Variants in ZNF841 observed in about 807,000 individuals in gnomAD.
ZNF841 encodes the protein zinc finger protein 841, also known as TCONS_00006091.
In ZNF841, 11 loss-of-function variants were observed where a neutral mutation model predicts 13.0. That is an observed-to-expected ratio of 0.85 (90% CI 0.53 to 1.40). The LOEUF is 1.40. Ranked by LOEUF, ZNF841 falls within the 40% of genes most tolerant of loss-of-function variation. The pLI, the probability that ZNF841 is intolerant of heterozygous loss-of-function variation, is 0.00. For synonymous variants in ZNF841, 369 were observed against 381.6 expected, an observed-to-expected ratio of 0.97 and a Z score of 0.38; for missense variants, 1,068 against 1,139.5, an observed-to-expected ratio of 0.94 and a Z score of 0.90.
intron 4 of ZNF841, among the ~76,000 whole-genome samples, chr19:52,078,364 C>T (rs2087975789): frequency 6.6e-6 from 1 of 152,034 alleles, no homozygotes; most frequent in African/African-American, 2.4e-5. Flanking sequence ...AAAACTAATC[C>T]ATTCACATGA....
chr19:52,088,189 C>G (rs919401826), intron 3 of ZNF841, among the ~76,000 whole-genome samples: 3 of 152,250 alleles, frequency 2.0e-5, no homozygotes, highest in South Asian at 2.1e-4. Context: ...GTTCTGGGTT[C>G]CACGCTCTCA....
At chr19:52,086,550 T>C (rs1231522334) in intron 3 of ZNF841, among the ~76,000 whole-genome samples, 1 of 152,198 alleles carries the variant, frequency 6.6e-6, no homozygotes, top group Admixed American at 6.5e-5. Context: ...TTACCCAGTC[T>C]CCAGTATTTC....
Position 52,065,431 on chromosome 19 carries a change from TC to T in ZNF841, c.2450del (p.Gly817GlufsTer81). 6.2e-7 allele frequency: 1 copy of T among 1,613,860 alleles called. No homozygotes were observed. The highest frequency in any genetic ancestry group is 8.5e-7 in the Non-Finnish European group (1 of 1,179,912). On this transcript the variant is annotated frameshift_variant, in exon 7 of 7. Transcript: ENST00000594440. LOFTEE classifies it low-confidence loss of function (END_TRUNC). ...ATTCATTACATTTATAAGGTTTCTCTCCAGTATGCATCATCTGATGATTAAG... is the reference window on the plus strand; with the variant it reads ...ATTCATTACATTTATAAGGTTTCTCTCAGTATGCATCATCTGATGATTAAG... ...ILLNHQMMHT[G>X]EKPYKCNECG... is the part of the protein sequence containing the mutation.
intron 3 of ZNF841, among the ~76,000 whole-genome samples, chr19:52,087,023 T>C (rs994555430): frequency 3.3e-5 from 5 of 152,308 alleles, no homozygotes; most frequent in South Asian, 4.1e-4. Context: ...GTTAATGGTA[T>C]GTTTTGTTTT....
chr19:52,066,713 G>A lies in ZNF841; in HGVS notation c.1169C>T (p.Thr390Ile), dbSNP rs768531429. The A allele has an allele frequency of 3.7e-6, 6 of 1,610,676 alleles. No individual in the cohort carries two copies. The highest frequency in any genetic ancestry group is 3.3e-4 in the Middle Eastern group (2 of 6,078). Residue 390 changes from threonine to isoleucine, a missense_variant, in exon 7 of 7, where the codon ACT becomes ATT. Transcript: ENST00000594440. Reference sequence around the variant, plus strand: ...GTCTCCAGTATGAACTGTCTGATGAGTTGCAAGAGAGGAACTTTGACTAAA... The same window carrying A: ...GTCTCCAGTATGAACTGTCTGATGAATTGCAAGAGAGGAACTTTGACTAAA... Reference protein sequence around the residue: ...KCFSQSSSLATHQTVHTGDKP... With the variant: ...KCFSQSSSLAIHQTVHTGDKP...
At chr19:52,069,177 G>A (rs7260294) in intron 6 of ZNF841, among the ~76,000 whole-genome samples, 2,911 of 152,110 alleles carry the variant, frequency 0.019, 87 homozygotes, top group African/African-American at 0.067. Context: ...AGGCTCAAGC[G>A]ATCCTCCCAC....
downstream of ZNF841, among the ~76,000 whole-genome samples, chr19:52,064,202 C>T (rs560641674): frequency 1.7e-3 from 251 of 151,602 alleles, 2 homozygotes; most frequent in African/African-American, 5.7e-3. Context: ...AAAAATTAGC[C>T]GGGCGCGGTG....
intron 4 of ZNF841, among the ~76,000 whole-genome samples, chr19:52,078,486 T>C (rs2087980723): frequency 6.6e-6 from 1 of 151,984 alleles, no homozygotes; most frequent in African/African-American, 2.4e-5. Flanking sequence ...GATCACAAGG[T>C]CAGGAGATCG....
In ZNF841 at chr19:52,076,994, C is replaced by T. The variant is rs140121641; in HGVS notation, c.106G>A (p.Val36Met). The change falls in exon 5 of 7, where the codon GTG becomes ATG. Residue 36 changes from valine (V) to methionine (M), a missense_variant. Transcript: ENST00000594440. ...DPVQKALYRD[V>M]MLENYRNLGF... ...AGGTTCCTGTAGTTCTCCAACATCA[C>T]GTCCCTGTACAAAGCTTTCTGAACA... The T allele has an allele frequency of 1.9e-6, 3 of 1,613,286 alleles. No individual in the cohort carries two copies. The highest frequency in any genetic ancestry group is 2.2e-5 in the East Asian group (1 of 44,842).
intron 5 of ZNF841, chr19:52,076,526 T>G: frequency 3.4e-6 from 1 of 294,668 alleles, no homozygotes; most frequent in South Asian, 3.5e-5. Flanking sequence ...ACACCCACAG[T>G]CCCAGCTACT....
At chr19:52,064,264 T>G (rs1224872118), downstream of ZNF841, among the ~76,000 whole-genome samples, 1 of 143,242 alleles carries the variant, frequency 7.0e-6, no homozygotes, top group Non-Finnish European at 1.5e-5. Context: ...GAGAATGGCG[T>G]GAACCCAGGA....
At chr19:52,073,364 T>C (rs1281732345) in intron 6 of ZNF841, among the ~76,000 whole-genome samples, 1 of 152,032 alleles carries the variant, frequency 6.6e-6, no homozygotes, top group African/African-American at 2.4e-5. Flanking sequence ...AGCAGTGTGA[T>C]CTCAGCTCAA....
chr19:52,086,746 G>T (rs150225095), intron 3 of ZNF841, among the ~76,000 whole-genome samples: 1 of 152,210 alleles, frequency 6.6e-6, no homozygotes, highest in Non-Finnish European at 1.5e-5. Context: ...AATGGTCAGG[G>T]AGGTGACAAG....
chr19:52,073,295 T>G (rs2087794021), intron 6 of ZNF841, among the ~76,000 whole-genome samples: 1 of 151,856 alleles, frequency 6.6e-6, no homozygotes, highest in South Asian at 2.1e-4. Flanking sequence ...AAGTTGTTGT[T>G]TTTTTTTCTT....
downstream of ZNF841, among the ~76,000 whole-genome samples, chr19:52,062,871 A>ATTTT (rs34996737): frequency 1.7e-5 from 2 of 120,140 alleles, no homozygotes; most frequent in African/African-American, 3.2e-5. Flanking sequence ...CTGTTGAGAA[A>ATTTT]TTTTTTTTTT....
At chr19:52,093,432 G>A (rs2088570347) in intron 2 of ZNF841, among the ~76,000 whole-genome samples, 1 of 152,110 alleles carries the variant, frequency 6.6e-6, no homozygotes, top group Non-Finnish European at 1.5e-5. Flanking sequence ...ATAGTAACAG[G>A]GTAGAACAGT....
rs909187008 is a variant in ZNF841, at chr19:52,066,095, G to C, written c.1787C>G (p.Pro596Arg). The change falls in exon 7 of 7, where the codon CCT becomes CGT. Residue 596 changes from proline to arginine, a missense_variant. Transcript: ENST00000594440. The stretch of plus-strand genomic sequence containing the variant: ...CTTGCCACACACATTACATTTGTAA[G>C]GTTTCTCTCCGGTATGCATTCTTTG... ...RHQRMHTGEK[P>R]YKCNVCGKVF... 1.9e-6 allele frequency: 3 copies of C among 1,614,058 alleles called. No individual in the cohort carries two copies. Among genetic ancestry groups the C allele is most frequent in the African/African-American group, 2.7e-5 (2 of 74,920 alleles).
downstream of ZNF841, chr19:52,064,353 CAAAAAAAA>C (rs56135758): frequency 5.6e-5 from 2 of 35,448 alleles, no homozygotes; most frequent in African/African-American, 7.5e-5. Context: ...ACTCCGTCTC[CAAAAAAAA>C]AAAAAAAAAA....
rs2087607089 is a variant in ZNF841, at chr19:52,067,240, A to G, written c.642T>C (p.Val214=). 6.4e-7 allele frequency: 1 copy of G among 1,550,944 alleles called. No homozygotes were observed. Among genetic ancestry groups the G allele is most frequent in the Non-Finnish European group, 8.7e-7 (1 of 1,146,794 alleles). The change falls in exon 7 of 7, where the codon GTT becomes GTC. Residue 214 remains valine (V), a synonymous_variant. Coordinates refer to ENST00000594440, the MANE Select transcript of ZNF841 (RefSeq NM_001136499.2). ...IYGCNQIERT[V]NNCFLASPLQ... is the part of the protein sequence containing the mutation. ...GTGGTGAAGCTAAAAAACAATTATT[A>G]ACTGTCCTCTCAATTTGATTACATC... is the stretch of plus-strand genomic sequence containing the variant.
Sources: allele counts gnomAD v4.1 joint callset (sites outside exome capture counted in the v4.1 genomes callset), GRCh38; gene constraint gnomAD v4.1.1; transcripts MANE v1.5; gene names NCBI Gene and HGNC (gene_info 2026-07-23, HGNC 2026-07-21).